The following TMC2 variants were observed in gnomAD, a reference collection of about 807,000 sequenced individuals.
The protein encoded by TMC2 is transmembrane channel like 2, also known as transmembrane channel-like protein 2.
Under a neutral mutation model 105.9 loss-of-function variants are expected in TMC2, and 102 were observed. That is an observed-to-expected ratio of 0.96 (90% CI 0.82 to 1.14). The LOEUF (loss-of-function observed/expected upper bound fraction) is 1.14. Ranked by LOEUF, TMC2 falls within the 50% of genes most tolerant of loss-of-function variation. TMC2 has a pLI of 0.00. For synonymous variants in TMC2, 402 were observed against 422.8 expected, an observed-to-expected ratio of 0.95 and a Z score of 0.60; for missense variants, 1,093 against 1,134.3, an observed-to-expected ratio of 0.96 and a Z score of 0.52.
chr20:2,636,563 G>C (rs150329569), intron 18 of TMC2, among the ~76,000 whole-genome samples: 1 of 151,826 alleles, frequency 6.6e-6, no homozygotes, highest in East Asian at 1.9e-4. Flanking sequence ...CCCTCTTCTG[G>C]AGTGAATTTC....
At chr20:2,622,030 TA>T (rs2086528885) in intron 16 of TMC2, among the ~76,000 whole-genome samples, 1 of 152,034 alleles carries the variant, frequency 6.6e-6, no homozygotes, top group Non-Finnish European at 1.5e-5. Context: ...GCACTGGAAA[TA>T]AAAATAATAA....
At chr20:2,564,201 A>C (rs576297805) in intron 4 of TMC2, among the ~76,000 whole-genome samples, 1 of 122,658 alleles carries the variant, frequency 8.2e-6, no homozygotes, top group African/African-American at 3.3e-5. Context: ...CCCAGGATGG[A>C]GTGCAGTGGC....
intron 11 of TMC2, among the ~76,000 whole-genome samples, chr20:2,604,404 G>A (rs944279648): frequency 2.6e-5 from 4 of 152,178 alleles, no homozygotes; most frequent in African/African-American, 9.7e-5. Flanking sequence ...TTCACTATGG[G>A]CTTAATGCTT....
chr20:2,555,292 G>A (rs1020045543), intron 2 of TMC2, among the ~76,000 whole-genome samples: 4 of 151,686 alleles, frequency 2.6e-5, no homozygotes, highest in African/African-American at 9.7e-5. Context: ...TGTTGGCCAC[G>A]CTGGTCTCGA....
At chr20:2,625,024 G>A (rs1427635183) in intron 17 of TMC2, among the ~76,000 whole-genome samples, 2 of 152,092 alleles carry the variant, frequency 1.3e-5, no homozygotes, top group Admixed American at 6.6e-5. Context: ...GAACAAGTTC[G>A]AAAATCTCTG....
intron 7 of TMC2, among the ~76,000 whole-genome samples, chr20:2,581,745 G>C (rs1373091103): frequency 6.6e-6 from 1 of 152,200 alleles, no homozygotes; most frequent in African/African-American, 2.4e-5. Flanking sequence ...AGGTTTGGGG[G>C]AAGTTGAGCA....
intron 14 of TMC2, among the ~76,000 whole-genome samples, chr20:2,615,037 C>G (rs80306157): frequency 1.3e-4 from 19 of 151,842 alleles, no homozygotes; most frequent in Non-Finnish European, 2.8e-4. Context: ...AATTTAAATT[C>G]TGGGTGGGGG....
At chr20:2,585,353 T>A (rs1269727968) in intron 7 of TMC2, among the ~76,000 whole-genome samples, 1 of 152,244 alleles carries the variant, frequency 6.6e-6, no homozygotes, top group Non-Finnish European at 1.5e-5. Flanking sequence ...ATATTACTAA[T>A]TTCTAACTTA....
At chr20:2,617,538 G>C in intron 16 of TMC2, 2 of 573,156 alleles carry the variant, frequency 3.5e-6, no homozygotes, top group Non-Finnish European at 6.1e-6. Context: ...TGTGGCCGTT[G>C]AGTGCTTGAA....
intron 5 of TMC2, among the ~76,000 whole-genome samples, chr20:2,578,547 T>G (rs962258913): frequency 6.6e-6 from 1 of 152,128 alleles, no homozygotes; most frequent in African/African-American, 2.4e-5. Flanking sequence ...TGGTACATAG[T>G]CTGGGTGTCT....
At chr20:2,560,078 C>A (rs912707778) in intron 3 of TMC2, among the ~76,000 whole-genome samples, 1 of 152,062 alleles carries the variant, frequency 6.6e-6, no homozygotes, top group Non-Finnish European at 1.5e-5. Context: ...CTTGATGGAG[C>A]GCTGAATTCC....
At chr20:2,597,786 C>T (rs1470759445) in intron 10 of TMC2, among the ~76,000 whole-genome samples, 2 of 152,072 alleles carry the variant, frequency 1.3e-5, no homozygotes, top group African/African-American at 2.4e-5. Context: ...ACATGAGCCA[C>T]CACGCCCAGC....
rs768038007 is a variant in TMC2, at chr20:2,610,480, C to G, written c.1475C>G (p.Ala492Gly). The change falls in exon 12 of 20, where the codon GCC becomes GGC. Residue 492 changes from alanine (A) to glycine (G), a missense_variant. Transcript: ENST00000358864. The part of the protein sequence containing the change: ...FCPPLFETIA[A>G]LENYHPRTGL... ...CCCCCTCTGTTTGAAACCATCGCTG[C>G]CCTGGAGAATTACCACCCACGCACT... The G allele has an allele frequency of 6.2e-7, 1 of 1,613,696 alleles. No individual in the cohort carries two copies. The highest frequency in any genetic ancestry group is 2.2e-5 in the East Asian group (1 of 44,834).
intron 8 of TMC2, 96 bp from the exon 9 acceptor site, chr20:2,594,729 G>A: frequency 7.4e-7 from 1 of 1,351,598 alleles, no homozygotes; most frequent in Non-Finnish European, 1.0e-6. Flanking sequence ...ATTCGGTTAA[G>A]ACTCTGAGAA....
At chr20:2,580,752 A>G (rs532591296) in intron 7 of TMC2, among the ~76,000 whole-genome samples, 1 of 152,272 alleles carries the variant, frequency 6.6e-6, no homozygotes, top group African/African-American at 2.4e-5. Context: ...CTGGCCCCAG[A>G]TATAATCTTA....
At chr20:2,545,021 C>A (rs542433184) in intron 2 of TMC2, among the ~76,000 whole-genome samples, 1 of 143,994 alleles carries the variant, frequency 6.9e-6, no homozygotes, top group South Asian at 2.3e-4. Context: ...TATAATGAGA[C>A]CCCTGTCTCT....
chr20:2,541,021 G>A (rs993066002), intron 2 of TMC2, among the ~76,000 whole-genome samples: 1 of 151,986 alleles, frequency 6.6e-6, no homozygotes, highest in African/African-American at 2.4e-5. Context: ...TTTCTGCTGG[G>A]GCCCCTCAAT....
intron 5 of TMC2, among the ~76,000 whole-genome samples, chr20:2,576,505 C>G (rs1406006589): frequency 6.6e-6 from 1 of 152,172 alleles, no homozygotes; most frequent in Non-Finnish European, 1.5e-5. Flanking sequence ...TGGCAATGTT[C>G]ATTACCCCTG....
At chr20:2,587,382 C>A (rs1239497453) in intron 7 of TMC2, among the ~76,000 whole-genome samples, 1 of 151,982 alleles carries the variant, frequency 6.6e-6, no homozygotes, top group Non-Finnish European at 1.5e-5. Flanking sequence ...TATGTATTAT[C>A]TTTTTTATAT....
Sources: gnomAD v4.1 joint callset for allele counts (sites outside exome capture counted in the v4.1 genomes callset) on GRCh38, gnomAD v4.1.1 for gene constraint, MANE v1.5 for transcripts, NCBI Gene and HGNC (gene_info 2026-07-23, HGNC 2026-07-21) for gene names.